Variants in EYA4 observed in about 807,000 individuals in gnomAD.
EYA4 encodes the protein EYA transcriptional coactivator and phosphatase 4.
Under a neutral mutation model 87.9 loss-of-function variants are expected in EYA4, and 31 were observed. That is an observed-to-expected ratio of 0.35 (90% CI 0.27 to 0.48). EYA4 has a LOEUF of 0.48. EYA4 is among the 20% of genes least tolerant of loss of function. The probability of loss-of-function intolerance (pLI) is 0.99; values close to 1 mark genes in which losing one functional copy is unlikely to be tolerated. For missense variants in EYA4, 678 were observed against 761.4 expected (o/e 0.89, Z 1.29); for synonymous variants, 263 against 270.6 (o/e 0.97, Z 0.28).
chr6:133,293,295 A>AT (rs1011037333), intron 2 of EYA4, among the ~76,000 whole-genome samples: 13 of 151,538 alleles, frequency 8.6e-5, no homozygotes, highest in South Asian at 4.2e-4. Flanking sequence ...CTGCAGAATG[A>AT]TTTTTTTTTC....
intron 2 of EYA4, among the ~76,000 whole-genome samples, chr6:133,337,527 G>A (rs1383116620): frequency 1.3e-5 from 2 of 152,132 alleles, no homozygotes; most frequent in Non-Finnish European, 2.9e-5. Context: ...TTTGGTATTA[G>A]ACATCATGGG....
At chr6:133,449,896 G>A (rs188387456) in intron 5 of EYA4, among the ~76,000 whole-genome samples, 171 of 152,284 alleles carry the variant, frequency 1.1e-3, no homozygotes, top group Middle Eastern at 3.4e-3. Flanking sequence ...GCTAAAGAAA[G>A]CAAACTTTTG....
rs1043407364 is a variant in EYA4 at position 133,525,988 on chromosome 6, A to G, written c.1839+734A>G. On this transcript the variant is annotated intron_variant, in intron 19 of 19. Transcript: ENST00000355286. Reference sequence around the variant, plus strand: ...AAGCCAAGCAGCTGGCTTTGAACACATTCAGAAGATCCCATGGGCCCTAAG... The same window carrying G: ...AAGCCAAGCAGCTGGCTTTGAACACGTTCAGAAGATCCCATGGGCCCTAAG... 4.9e-6 allele frequency: 4 copies of G among 823,978 alleles called. No individual in the cohort carries two copies. In the South Asian group the frequency reaches 2.2e-4, roughly 46 times the overall value. The allele number at this position is 823,978 out of a possible 1,614,324, so 51.0% of individuals were successfully genotyped here. A position where few individuals can be genotyped will look rare whatever the true frequency, so the allele number is the denominator to read the frequency against.
intron 10 of EYA4, among the ~76,000 whole-genome samples, chr6:133,465,654 T>G (rs1794776899): frequency 2.0e-5 from 3 of 152,162 alleles, no homozygotes; most frequent in Admixed American, 2.0e-4. Flanking sequence ...TAGTTGAGAT[T>G]GAAGAGTTAG....
chr6:133,378,554 T>C (rs1425966547), intron 2 of EYA4, among the ~76,000 whole-genome samples: 1 of 152,086 alleles, frequency 6.6e-6, no homozygotes, highest in African/African-American at 2.4e-5. Flanking sequence ...TAAAATGCCT[T>C]CATAGATCTG....
At position 133,531,653 on chromosome 6, in the gene EYA4, T is replaced by C. The variant is rs1015954497; in HGVS notation, c.*2848T>C. 6.3e-6 allele frequency: 1 copy of C among 159,062 alleles called. No homozygotes were observed. Among genetic ancestry groups the C allele is most frequent in the African/African-American group, 2.4e-5 (1 of 41,688 alleles). 9.9% of individuals were successfully genotyped at this position (159,062 alleles called of 1,614,324 possible). A position where few individuals can be genotyped will look rare whatever the true frequency, so the allele number is the denominator to read the frequency against. The stretch of plus-strand genomic sequence containing the variant: ...ATTATAGCATACAATTAGGACACTA[T>C]GCCCCTGCAAAATTTTGTAAATCAA... On this transcript the variant is annotated 3_prime_UTR_variant, in exon 20 of 20. Coordinates refer to ENST00000355286, the MANE Select transcript of EYA4 (RefSeq NM_004100.5).
chr6:133,291,299 A>T (rs551177622), intron 2 of EYA4, among the ~76,000 whole-genome samples: 2 of 152,318 alleles, frequency 1.3e-5, no homozygotes, highest in South Asian at 4.1e-4. Context: ...TTTTACAGTT[A>T]TTTCCAAATT....
chr6:133,447,559 T>A (rs1233694000), intron 4 of EYA4, among the ~76,000 whole-genome samples: 1 of 152,206 alleles, frequency 6.6e-6, no homozygotes, highest in East Asian at 1.9e-4. Flanking sequence ...ATTTAGATAT[T>A]AGCATTTGCC....
chr6:133,462,493 T>G lies in EYA4; in HGVS notation c.580+16T>G. 1 of 1,613,996 alleles carries G rather than the reference T, an allele frequency of 6.2e-7. No homozygotes were observed. The highest frequency in any genetic ancestry group is 1.1e-5 in the South Asian group (1 of 91,086). On this transcript the variant is annotated intron_variant, in intron 8 of 19. Transcript: ENST00000355286. ...CCCACTTACGGTATTTCACATCTTC[T>G]GTTTTCTTCTTTGGTTATAGGCAGG...
At position 133,529,498 on chromosome 6, in the gene EYA4, T is replaced by G; in HGVS notation, c.*693T>G. 2.0e-6 allele frequency: 2 copies of G among 983,792 alleles called. No individual in the cohort carries two copies. Among genetic ancestry groups the G allele is most frequent in the Non-Finnish European group, 2.4e-6 (2 of 828,856 alleles). 60.9% of individuals were successfully genotyped at this position (983,792 alleles called of 1,614,324 possible). ...AGCATTTGTGTGTTACAATGTAACTTTGGTTAAAATCTCTGTAGATAATGA... is the reference window on the plus strand; with the variant it reads ...AGCATTTGTGTGTTACAATGTAACTGTGGTTAAAATCTCTGTAGATAATGA... On this transcript the variant is annotated 3_prime_UTR_variant, in exon 20 of 20. Coordinates refer to ENST00000355286, the MANE Select transcript of EYA4 (RefSeq NM_004100.5).
intron 5 of EYA4, among the ~76,000 whole-genome samples, chr6:133,451,495 C>T (rs926238767): frequency 2.6e-5 from 4 of 152,134 alleles, no homozygotes; most frequent in African/African-American, 9.7e-5. Flanking sequence ...TACAAAAATA[C>T]TTAGATCTAT....
intron 2 of EYA4, among the ~76,000 whole-genome samples, chr6:133,330,843 C>T (rs1222036737): frequency 3.3e-5 from 5 of 151,442 alleles, no homozygotes; most frequent in South Asian, 2.1e-4. Flanking sequence ...CAAAGTGTGG[C>T]GAGAACAGTA....
At chr6:133,298,597 A>C (rs1302480941) in intron 2 of EYA4, among the ~76,000 whole-genome samples, 1 of 152,108 alleles carries the variant, frequency 6.6e-6, no homozygotes, top group East Asian at 1.9e-4. Context: ...TGGCTGTTTG[A>C]CCTTGGACAA....
Position 133,348,706 on chromosome 6 carries a change from A to G in EYA4, c.34-33686A>G, listed in dbSNP as rs569183223. On this transcript the variant is annotated intron_variant, in intron 2 of 19. Coordinates refer to ENST00000355286, the MANE Select transcript of EYA4 (RefSeq NM_004100.5). The stretch of plus-strand genomic sequence containing the variant: ...TCTGTAGACATCTAATCCATTGGCA[A>G]TCCTGTTGGCTCTACCCTTAAAATA... Among the ~76,000 whole-genome samples, 6 of 152,106 alleles carry G rather than the reference A, an allele frequency of 3.9e-5. No individual in the cohort carries two copies. In the South Asian group the frequency reaches 1.0e-3, roughly 26 times the overall value.
rs946363937 is a variant in EYA4, at chr6:133,309,301, T to G, written c.33+34488T>G. On this transcript the variant is annotated intron_variant, in intron 2 of 19. Coordinates refer to ENST00000355286, the MANE Select transcript of EYA4 (RefSeq NM_004100.5). Reference sequence around the variant, plus strand: ...TTGAGGTTTAATGCAGAACTGCACTTGTTTTCAGGGAACAAATGTCAATAT... The same window carrying G: ...TTGAGGTTTAATGCAGAACTGCACTGGTTTTCAGGGAACAAATGTCAATAT... 8.5e-5 allele frequency among the ~76,000 whole-genome samples: 13 copies of G among 152,268 alleles called. No individual in the cohort carries two copies. In the East Asian group the frequency reaches 2.3e-3, roughly 27 times the overall value.
intron 6 of EYA4, among the ~76,000 whole-genome samples, chr6:133,457,045 T>G (rs1314446310): frequency 6.6e-6 from 1 of 152,156 alleles, no homozygotes; most frequent in East Asian, 1.9e-4. Context: ...AACTATCCAT[T>G]TGATTCCTTC....
At chr6:133,376,163 T>G (rs1321839019) in intron 2 of EYA4, among the ~76,000 whole-genome samples, 1 of 151,800 alleles carries the variant, frequency 6.6e-6, no homozygotes, top group Non-Finnish European at 1.5e-5. Context: ...ATAATCTCCA[T>G]TTTTGGAAAA....
chr6:133,473,945 T>G (rs73544963), intron 11 of EYA4, among the ~76,000 whole-genome samples: 7,232 of 152,068 alleles, frequency 0.048, 540 homozygotes, highest in African/African-American at 0.15. Context: ...TCAATACTTG[T>G]GTTGCATCAA....
intron 3 of EYA4, among the ~76,000 whole-genome samples, chr6:133,442,991 A>T (rs1477853026): frequency 6.6e-6 from 1 of 151,686 alleles, no homozygotes; most frequent in Non-Finnish European, 1.5e-5. Flanking sequence ...CTTGGTCATG[A>T]TTTTTTTCTA....
Sources: gnomAD v4.1 joint callset for allele counts (sites outside exome capture counted in the v4.1 genomes callset) on GRCh38, gnomAD v4.1.1 for gene constraint, MANE v1.5 for transcripts, NCBI Gene and HGNC (gene_info 2026-07-23, HGNC 2026-07-21) for gene names.